The following TNFAIP6 variants were observed in gnomAD, a reference collection of about 807,000 sequenced individuals.
TNFAIP6 encodes the protein tumor necrosis factor-inducible gene 6 protein.
Under a neutral mutation model 33.7 loss-of-function variants are expected in TNFAIP6, and 36 were observed. The ratio of observed to expected loss-of-function variants is 1.07; its 90% CI spans 0.82 to 1.41. The LOEUF (loss-of-function observed/expected upper bound fraction) is 1.41, where lower values mean the gene tolerates loss of function less well. Ranked by LOEUF, TNFAIP6 falls within the 40% of genes most tolerant of loss-of-function variation. The pLI is 0.00. For missense variants in TNFAIP6, 273 were observed against 331.9 expected (o/e 0.82, Z 1.38); for synonymous variants, 113 against 112.8 (o/e 1.00, Z -0.01).
intron 4 of TNFAIP6, among the ~76,000 whole-genome samples, chr2:151,371,076 A>G (rs2152016663): frequency 6.6e-6 from 1 of 152,320 alleles, no homozygotes; most frequent in South Asian, 2.1e-4. Context: ...GTCTCAAAAA[A>G]AAAAAAAGAT....
At chr2:151,362,711 A>T (rs1018424962) in intron 1 of TNFAIP6, among the ~76,000 whole-genome samples, 1 of 151,876 alleles carries the variant, frequency 6.6e-6, no homozygotes, top group Non-Finnish European at 1.5e-5. Context: ...AGGATGGTCT[A>T]GATCTCCTGA....
At chr2:151,374,365 A>G (rs905037791) in intron 5 of TNFAIP6, among the ~76,000 whole-genome samples, 2 of 152,042 alleles carry the variant, frequency 1.3e-5, no homozygotes, top group African/African-American at 2.4e-5. Flanking sequence ...CTGGCTAAAA[A>G]CTTCCTTTCT....
rs1321415465 is a variant in TNFAIP6 at position 151,364,015 on chromosome 2, C to A, written c.167C>A (p.Ala56Glu). Residue 56 changes from alanine to glutamate, a missense_variant, in exon 2 of 6, where the codon GCG (alanine) becomes GAG (glutamate). Physicochemically the swap from Ala to Glu is moderately radical, Grantham distance 107. Transcript: ENST00000243347. The stretch of plus-strand genomic sequence containing the variant: ...AAGCTCACCTACGCAGAAGCTAAGG[C>A]GGTGTGTGAATTTGAAGGCGGCCAT... ...KYKLTYAEAK[A>E]VCEFEGGHLA... The A allele has an allele frequency of 6.2e-7, 1 of 1,613,886 alleles. No homozygotes were observed. Among genetic ancestry groups the A allele is most frequent in the Non-Finnish European group, 8.5e-7 (1 of 1,179,976 alleles).
chr2:151,357,958 AT>A (rs1219272698), intron 1 of TNFAIP6, among the ~76,000 whole-genome samples, 198 bp downstream of exon 1: 1 of 152,022 alleles, frequency 6.6e-6, no homozygotes, highest in East Asian at 1.9e-4. Context: ...TAAAAATAGC[AT>A]TTTATAAAGT....
Position 151,363,946 on chromosome 2 carries a change from G to A in TNFAIP6, c.98G>A (p.Arg33Gln), listed in dbSNP as rs761269991. ...GIFHNSIWLE[R>Q]AAGVYHREAR... Reference sequence around the variant, plus strand: ...ATGACATCATCTGATTTTGCAGAACGAGCAGCCGGTGTGTACCACAGAGAA... The same window carrying A: ...ATGACATCATCTGATTTTGCAGAACAAGCAGCCGGTGTGTACCACAGAGAA... The change falls in exon 2 of 6, where the codon CGA (arginine) becomes CAA (glutamine). Residue 33 changes from arginine to glutamine, a missense_variant. Arg to Gln is a conservative substitution (Grantham distance 43). Transcript: ENST00000243347. The A allele has an allele frequency of 1.2e-6, 2 of 1,611,674 alleles. No homozygotes were observed. Among genetic ancestry groups the A allele is most frequent in the East Asian group, 2.2e-5 (1 of 44,830 alleles).
Position 151,357,634 on chromosome 2 carries a change from C to G in TNFAIP6, c.-33C>G. On this transcript the variant is annotated 5_prime_UTR_variant, in exon 1 of 6. Coordinates refer to ENST00000243347, the MANE Select transcript of TNFAIP6 (RefSeq NM_007115.4). ...TGCTCTGAGAATTTGTGAGCAGCCC[C>G]TAACAGGCTGTTACTTCACTACAAC... is the stretch of plus-strand genomic sequence containing the variant. 7.2e-7 allele frequency: 1 copy of G among 1,381,868 alleles called. No homozygotes were observed. The highest frequency in any genetic ancestry group is 1.0e-6 in the Non-Finnish European group (1 of 969,152). 85.6% of individuals were successfully genotyped at this position (1,381,868 alleles called of 1,614,324 possible).
chr2:151,371,849 C>G (rs1684821750), intron 4 of TNFAIP6, among the ~76,000 whole-genome samples: 1 of 152,182 alleles, frequency 6.6e-6, no homozygotes, highest in African/African-American at 2.4e-5. Flanking sequence ...CCCGCCTCAG[C>G]CTTCTAAAGT....
chr2:151,357,895 C>A lies in TNFAIP6; in HGVS notation c.94+135C>A, dbSNP rs547396021. 483 of 525,970 alleles carry A rather than the reference C, an allele frequency of 9.2e-4. 7 individuals carry two copies. The South Asian group carries it at 0.015, about 17-fold the overall frequency. The allele number at this position is 525,970 out of a possible 1,614,324, so 32.6% of individuals were successfully genotyped here. On this transcript the variant is annotated intron_variant, in intron 1 of 5. Transcript: ENST00000243347. ...CAAAGAAAATGCTTAGGAAAGATAG[C>A]CTTTGGAATACATACGCTTTTTTTT...
intron 5 of TNFAIP6, among the ~76,000 whole-genome samples, chr2:151,378,035 T>C (rs1684947152): frequency 1.3e-5 from 2 of 152,144 alleles, no homozygotes; most frequent in South Asian, 4.1e-4. Flanking sequence ...AATGAGTTAA[T>C]AGATAAAAGC....
At chr2:151,373,699 G>T in intron 5 of TNFAIP6, 110 bp downstream of exon 5, 15 of 446,802 alleles carry the variant, frequency 3.4e-5, no homozygotes, top group East Asian at 4.6e-5. Context: ...ACTTTTTAAA[G>T]TTGAAAGAAC....
At chr2:151,365,808 C>T (rs1210588220) in intron 2 of TNFAIP6, among the ~76,000 whole-genome samples, 1 of 152,006 alleles carries the variant, frequency 6.6e-6, no homozygotes, top group Non-Finnish European at 1.5e-5. Context: ...TAGTTTCATA[C>T]CCACAATAAT....
chr2:151,361,153 G>A (rs1276319604), intron 1 of TNFAIP6, among the ~76,000 whole-genome samples: 1 of 152,042 alleles, frequency 6.6e-6, no homozygotes, highest in Non-Finnish European at 1.5e-5. Context: ...TCTGCTCACT[G>A]CAACTCTGCC....
At chr2:151,380,281 C>G (rs144452363), downstream of TNFAIP6, among the ~76,000 whole-genome samples, 136 of 151,342 alleles carry the variant, frequency 9.0e-4, no homozygotes, top group African/African-American at 3.2e-3. Context: ...CTGATATAAT[C>G]TTCTCTATTG....
intron 2 of TNFAIP6, among the ~76,000 whole-genome samples, chr2:151,364,835 C>T (rs1684684467): frequency 6.6e-6 from 1 of 152,104 alleles, no homozygotes; most frequent in South Asian, 2.1e-4. Context: ...CCCAAAGCCT[C>T]CCCAGATGAC....
chr2:151,363,009 A>G (rs1024952501), intron 1 of TNFAIP6, among the ~76,000 whole-genome samples: 14 of 151,940 alleles, frequency 9.2e-5, no homozygotes, highest in African/African-American at 2.7e-4. Context: ...TTGCAATACA[A>G]TGTTGTATTA....
intron 5 of TNFAIP6, among the ~76,000 whole-genome samples, chr2:151,375,584 T>G (rs1162351069): frequency 6.6e-6 from 1 of 152,006 alleles, no homozygotes; most frequent in Non-Finnish European, 1.5e-5. Context: ...GGCACACGCC[T>G]GTAGTCCCAG....
intron 4 of TNFAIP6, among the ~76,000 whole-genome samples, chr2:151,370,871 G>A (rs1167634683): frequency 6.6e-6 from 1 of 152,196 alleles, no homozygotes; most frequent in Non-Finnish European, 1.5e-5. Flanking sequence ...AGGAGTTCAA[G>A]ACCAGCCTGG....
chr2:151,373,680 T>C, intron 5 of TNFAIP6, 91 bp downstream of exon 5: 2 of 656,228 alleles, frequency 3.0e-6, no homozygotes, highest in Non-Finnish European at 4.8e-6. Context: ...TAAATAGTAG[T>C]TATTATTCAC....
At chr2:151,380,361 T>A (rs1420180650), downstream of TNFAIP6, among the ~76,000 whole-genome samples, 1 of 152,220 alleles carries the variant, frequency 6.6e-6, no homozygotes, top group Non-Finnish European at 1.5e-5. Flanking sequence ...AGTTTATATT[T>A]TGTCTTTTAC....
Sources: gnomAD v4.1 joint callset for allele counts (sites outside exome capture counted in the v4.1 genomes callset) on GRCh38, gnomAD v4.1.1 for gene constraint, MANE v1.5 for transcripts, NCBI Gene and HGNC (gene_info 2026-07-23, HGNC 2026-07-21) for gene names.